The following IFT43 variants were observed in gnomAD, a reference collection of about 807,000 sequenced individuals.
IFT43 encodes intraflagellar transport 43.
In IFT43, 33 loss-of-function variants were observed where a neutral mutation model predicts 32.3. That is an observed-to-expected ratio of 1.02 (90% CI 0.77 to 1.37). The LOEUF is 1.37. Ranked by LOEUF, IFT43 falls within the 40% of genes most tolerant of loss-of-function variation. IFT43 has a pLI of 0.00. For missense variants in IFT43, 274 were observed against 265.9 expected (o/e 1.03, Z -0.21); for synonymous variants, 93 against 98.2 (o/e 0.95, Z 0.31).
chr14:76,069,749 A>G (rs1316511482), intron 5 of IFT43, among the ~76,000 whole-genome samples: 1 of 152,188 alleles, frequency 6.6e-6, no homozygotes, highest in Admixed American at 6.5e-5. Flanking sequence ...CAGGAGCCCA[A>G]AAAAAGGACT....
rs2037227546 is a variant in IFT43, at chr14:76,066,551, G to T, written c.295+7178G>T. On this transcript the variant is annotated intron_variant, in intron 5 of 8. Coordinates refer to ENST00000314067, the MANE Select transcript of IFT43 (RefSeq NM_001102564.3). ...ATTATCTTTGCTCAGAGAATTACTTGGTTGGCTAGTGAAGGCTGCTCCTTT... is the reference window on the plus strand; with the variant it reads ...ATTATCTTTGCTCAGAGAATTACTTTGTTGGCTAGTGAAGGCTGCTCCTTT... 2.0e-5 allele frequency among the ~76,000 whole-genome samples: 3 copies of T among 152,236 alleles called. No individual in the cohort carries two copies. The South Asian group carries it at 6.2e-4, about 31-fold the overall frequency.
intron 5 of IFT43, among the ~76,000 whole-genome samples, chr14:76,080,638 C>T (rs953143070): frequency 6.6e-6 from 1 of 152,156 alleles, no homozygotes; most frequent in African/African-American, 2.4e-5. Flanking sequence ...GTCACACTGC[C>T]GATGGTGCGT....
chr14:76,013,477 G>T (rs2036124479), intron 2 of IFT43, among the ~76,000 whole-genome samples: 1 of 152,214 alleles, frequency 6.6e-6, no homozygotes, highest in Non-Finnish European at 1.5e-5. Flanking sequence ...AGCAGTGGCT[G>T]GCCTAGGTGT....
chr14:76,063,672 G>A (rs1478940134), intron 5 of IFT43, among the ~76,000 whole-genome samples: 1 of 152,218 alleles, frequency 6.6e-6, no homozygotes, highest in Non-Finnish European at 1.5e-5. Flanking sequence ...AAAAGGGCAA[G>A]TCTAGTACCA....
chr14:76,067,579 C>CAAAA (rs34499028), intron 5 of IFT43, among the ~76,000 whole-genome samples: 1 of 136,046 alleles, frequency 7.4e-6, no homozygotes. Flanking sequence ...GAGACTCTCT[C>CAAAA]AAAAAAAAAA....
intron 5 of IFT43, 191 bp downstream of exon 5, chr14:76,059,564 T>A: frequency 1.6e-6 from 1 of 627,484 alleles, no homozygotes. Flanking sequence ...CTCCCTTCTT[T>A]ATCTGATAAC....
chr14:76,056,730 G>T (rs952980174), intron 3 of IFT43, among the ~76,000 whole-genome samples: 20 of 152,146 alleles, frequency 1.3e-4, no homozygotes, highest in African/African-American at 4.3e-4. Context: ...GGACAATGGG[G>T]GTATAGAGTT....
intron 2 of IFT43, among the ~76,000 whole-genome samples, chr14:75,994,498 G>C (rs999084766): frequency 6.6e-6 from 1 of 152,144 alleles, no homozygotes; most frequent in Non-Finnish European, 1.5e-5. Context: ...TACTTTTTTA[G>C]GGTTGTTGTG....
intron 2 of IFT43, among the ~76,000 whole-genome samples, chr14:76,016,138 T>A (rs2139938673): frequency 6.6e-6 from 1 of 152,314 alleles, no homozygotes; most frequent in African/African-American, 2.4e-5. Flanking sequence ...CTGTGTTAAT[T>A]GTTTCATTTG....
chr14:76,030,446 T>G (rs184585985), intron 3 of IFT43, among the ~76,000 whole-genome samples: 111 of 152,330 alleles, frequency 7.3e-4, no homozygotes, highest in African/African-American at 2.5e-3. Flanking sequence ...TGGGTCCTTT[T>G]GGTGGAGAAT....
chr14:76,078,435 C>T (rs185442077), intron 5 of IFT43, among the ~76,000 whole-genome samples: 130 of 152,298 alleles, frequency 8.5e-4, no homozygotes, highest in Admixed American at 2.5e-3. Context: ...GACTGGTGCC[C>T]CATGAAGACA....
chr14:76,055,487 A>C (rs59432283), intron 3 of IFT43, among the ~76,000 whole-genome samples: 1 of 152,222 alleles, frequency 6.6e-6, no homozygotes, highest in African/African-American at 2.4e-5. Context: ...TGCTATTAAA[A>C]AAGAAAGATG....
At chr14:76,052,347 C>G (rs984110826) in intron 3 of IFT43, among the ~76,000 whole-genome samples, 3 of 152,206 alleles carry the variant, frequency 2.0e-5, no homozygotes, top group African/African-American at 7.2e-5. Flanking sequence ...GCCTTTTACC[C>G]TTCAGCACAT....
chr14:76,063,904 C>G (rs939724008), intron 5 of IFT43, among the ~76,000 whole-genome samples: 1 of 152,154 alleles, frequency 6.6e-6, no homozygotes, highest in African/African-American at 2.4e-5. Flanking sequence ...GCTGGGGAGT[C>G]TGCATGAATT....
intron 5 of IFT43, among the ~76,000 whole-genome samples, chr14:76,074,339 T>G (rs11159170): frequency 0.35 from 52,806 of 152,038 alleles, 9,293 homozygotes; most frequent in African/African-American, 0.4. Flanking sequence ...TACCCCTCCT[T>G]GTCCTTAACA....
At chr14:76,072,268 A>G (rs920432229) in intron 5 of IFT43, among the ~76,000 whole-genome samples, 43 of 152,132 alleles carry the variant, frequency 2.8e-4, no homozygotes, top group African/African-American at 1.0e-3. Context: ...GAGGAGTTTC[A>G]CTGGGCTTGT....
At chr14:76,008,047 G>A (rs1424358395) in intron 2 of IFT43, among the ~76,000 whole-genome samples, 1 of 152,170 alleles carries the variant, frequency 6.6e-6, no homozygotes, top group Non-Finnish European at 1.5e-5. Context: ...TGTGGGATAT[G>A]GCTCTTTTTA....
intron 3 of IFT43, among the ~76,000 whole-genome samples, chr14:76,046,784 T>C (rs1426731597): frequency 6.6e-6 from 1 of 152,226 alleles, no homozygotes; most frequent in African/African-American, 2.4e-5. Context: ...ATGCAGCTAA[T>C]GAATGATGAA....
intron 5 of IFT43, among the ~76,000 whole-genome samples, chr14:76,066,300 G>A (rs1295010162): frequency 6.6e-6 from 1 of 152,222 alleles, no homozygotes; most frequent in Non-Finnish European, 1.5e-5. Flanking sequence ...GAGGTTTGAA[G>A]CATAAAACCC....
Sources: allele counts gnomAD v4.1 joint callset (sites outside exome capture counted in the v4.1 genomes callset), GRCh38; gene constraint gnomAD v4.1.1; transcripts MANE v1.5; gene names NCBI Gene and HGNC (gene_info 2026-07-23, HGNC 2026-07-21).